Variants in KHDRBS2 observed in about 807,000 individuals in gnomAD.
KHDRBS2 encodes the protein KH domain-containing, RNA-binding, signal transduction-associated protein 2.
In KHDRBS2, 26 loss-of-function variants were observed where a neutral mutation model predicts 44.3. The observed-to-expected ratio is 0.59, with a 90% CI of 0.43 to 0.81. The LOEUF (loss-of-function observed/expected upper bound fraction) is 0.81. Ranked by LOEUF, KHDRBS2 falls within the 40% of genes least tolerant of loss-of-function variation. KHDRBS2 has a pLI of 0.00. For missense variants in KHDRBS2, 476 were observed against 433.1 expected, an observed-to-expected ratio of 1.10 and a Z score of -0.88; for synonymous variants, 194 against 151.1, an observed-to-expected ratio of 1.28 and a Z score of -2.08.
At chr6:61,970,263 AAAAGT>A (rs1262776674) in intron 4 of KHDRBS2, among the ~76,000 whole-genome samples, 1 of 151,978 alleles carries the variant, frequency 6.6e-6, no homozygotes, top group Admixed American at 6.6e-5. Context: ...TCATTTAAAG[AAAAGT>A]TTCTTGTTTG....
At chr6:61,793,828 C>G (rs1391292329) in intron 6 of KHDRBS2, among the ~76,000 whole-genome samples, 1 of 151,972 alleles carries the variant, frequency 6.6e-6, no homozygotes, top group Non-Finnish European at 1.5e-5. Context: ...ACTGATTTCT[C>G]CAGATGCTAC....
chr6:61,568,352 G>C, the KHDRBS2 span, among the ~76,000 whole-genome samples: 1 of 152,034 alleles, frequency 6.6e-6, no homozygotes, highest in Admixed American at 6.6e-5. Flanking sequence ...TGAATTTTAG[G>C]ATGTTTTTTT....
intron 1 of KHDRBS2, among the ~76,000 whole-genome samples, chr6:62,269,136 A>C (rs1839675538): frequency 6.6e-6 from 1 of 152,040 alleles, no homozygotes; most frequent in African/African-American, 2.4e-5. Flanking sequence ...AAAAGCTAAA[A>C]CCATAAAGCT....
At chr6:61,864,428 T>C (rs879376223) in intron 6 of KHDRBS2, among the ~76,000 whole-genome samples, 1 of 152,036 alleles carries the variant, frequency 6.6e-6, no homozygotes, top group Non-Finnish European at 1.5e-5. Context: ...TTTCCATTCC[T>C]TTCTTCAGGG....
At chr6:61,570,193 A>C in the KHDRBS2 span, among the ~76,000 whole-genome samples, 1 of 152,274 alleles carries the variant, frequency 6.6e-6, no homozygotes, top group African/African-American at 2.4e-5. Flanking sequence ...CAGGATATGG[A>C]TGAAAATTCT....
At chr6:61,841,703 T>C (rs1793632846) in intron 6 of KHDRBS2, among the ~76,000 whole-genome samples, 1 of 152,174 alleles carries the variant, frequency 6.6e-6, no homozygotes, top group African/African-American at 2.4e-5. Context: ...TTTACAACAC[T>C]TAGCATTGAA....
intron 4 of KHDRBS2, among the ~76,000 whole-genome samples, chr6:61,941,473 T>C (rs1812115430): frequency 6.6e-6 from 1 of 151,866 alleles, no homozygotes; most frequent in Non-Finnish European, 1.5e-5. Context: ...ACTGGACCCA[T>C]TAACACCAGT....
At chr6:61,951,532 C>T (rs1764738269) in intron 4 of KHDRBS2, among the ~76,000 whole-genome samples, 1 of 152,060 alleles carries the variant, frequency 6.6e-6, no homozygotes, top group Admixed American at 6.6e-5. Context: ...TGCCTCCTAA[C>T]ATATGGTCAA....
At chr6:61,552,947 G>T in the KHDRBS2 span, among the ~76,000 whole-genome samples, 6 of 152,070 alleles carry the variant, frequency 3.9e-5, no homozygotes, top group Non-Finnish European at 7.4e-5. Context: ...AAGGGTACTG[G>T]CCTGACCTGT....
At chr6:61,782,130 G>A (rs546364489) in intron 6 of KHDRBS2, among the ~76,000 whole-genome samples, 23 of 152,074 alleles carry the variant, frequency 1.5e-4, no homozygotes, top group African/African-American at 3.1e-4. Flanking sequence ...GGGGATATTC[G>A]GGCTGTTTCG....
chr6:61,998,077 T>C (rs1777554899), intron 3 of KHDRBS2, among the ~76,000 whole-genome samples: 1 of 152,186 alleles, frequency 6.6e-6, no homozygotes, highest in Non-Finnish European at 1.5e-5. Flanking sequence ...TTACATAATT[T>C]ACTTATTGTG....
At chr6:61,997,979 ACCGGCCTGGTTTAC>A (rs1253811140) in intron 3 of KHDRBS2, among the ~76,000 whole-genome samples, 1 of 152,196 alleles carries the variant, frequency 6.6e-6, no homozygotes, top group African/African-American at 2.4e-5. Context: ...ACTGGAATTA[ACCGGCCTGGTTTAC>A]TAATGTTCTC....
At chr6:62,170,452 G>T (rs1169046353) in intron 2 of KHDRBS2, among the ~76,000 whole-genome samples, 1 of 152,132 alleles carries the variant, frequency 6.6e-6, no homozygotes, top group Non-Finnish European at 1.5e-5. Context: ...CCTCTCCAAA[G>T]CATCACAGAG....
At chr6:61,602,604 C>G in the KHDRBS2 span, among the ~76,000 whole-genome samples, 1 of 152,140 alleles carries the variant, frequency 6.6e-6, no homozygotes, top group Non-Finnish European at 1.5e-5. Flanking sequence ...TCAGAAGCCC[C>G]CTACACCATC....
At chr6:62,264,228 C>A (rs1838823973) in intron 1 of KHDRBS2, among the ~76,000 whole-genome samples, 1 of 151,680 alleles carries the variant, frequency 6.6e-6, no homozygotes, top group Non-Finnish European at 1.5e-5. Flanking sequence ...ACTAACTGAT[C>A]ACTTTAATAT....
chr6:61,628,173 T>C, the KHDRBS2 span, among the ~76,000 whole-genome samples: 1 of 151,642 alleles, frequency 6.6e-6, no homozygotes, highest in South Asian at 2.1e-4. Context: ...TCTTATGTGC[T>C]TTGGCTTCAG....
At chr6:61,831,000 T>C (rs1342048469) in intron 6 of KHDRBS2, among the ~76,000 whole-genome samples, 1 of 151,922 alleles carries the variant, frequency 6.6e-6, no homozygotes, top group Non-Finnish European at 1.5e-5. Context: ...TATTAAGATA[T>C]AAAAAAAAGT....
rs1452294090 is a variant in KHDRBS2 at position 62,285,968 on chromosome 6, C to T, written c.-20G>A. ...TTCCATAGCGCGGACTTCGGATTGT[C>T]CCCGGGCGAAGCGCGAGGTTCCGCT... On this transcript the variant is annotated 5_prime_UTR_variant, in exon 1 of 9. Coordinates refer to ENST00000281156, the MANE Select transcript of KHDRBS2 (RefSeq NM_152688.4). 3 of 1,534,942 alleles carry T rather than the reference C, an allele frequency of 2.0e-6. No individual in the cohort carries two copies. The highest frequency in any genetic ancestry group is 2.7e-6 in the Non-Finnish European group (3 of 1,111,364).
intron 2 of KHDRBS2, among the ~76,000 whole-genome samples, chr6:62,165,650 A>C (rs1389551224): frequency 6.6e-6 from 1 of 151,854 alleles, no homozygotes; most frequent in Non-Finnish European, 1.5e-5. Flanking sequence ...ATTTCTTATT[A>C]TTGTAAAATA....
Sources: gnomAD v4.1 joint callset for allele counts (sites outside exome capture counted in the v4.1 genomes callset) on GRCh38, gnomAD v4.1.1 for gene constraint, MANE v1.5 for transcripts, NCBI Gene and HGNC (gene_info 2026-07-23, HGNC 2026-07-21) for gene names.